Variants in ACTR2 observed in about 807,000 individuals in gnomAD.
ACTR2 encodes the protein actin-related protein 2.
In ACTR2, 5 loss-of-function variants were observed where a neutral mutation model predicts 50.2. The ratio of observed to expected loss-of-function variants is 0.10; its 90% CI spans 0.05 to 0.21. The LOEUF is 0.21. Ranked by LOEUF, ACTR2 falls within the 10% of genes least tolerant of loss-of-function variation. The probability of loss-of-function intolerance (pLI) is 1.00; values close to 1 mark genes in which losing one functional copy is unlikely to be tolerated. For synonymous variants in ACTR2, 140 were observed against 162.9 expected, an observed-to-expected ratio of 0.86 and a Z score of 1.07; for missense variants, 180 against 480.6, an observed-to-expected ratio of 0.37 and a Z score of 5.85.
chr2:65,239,760 T>C (rs1305951952), intron 1 of ACTR2, 92 bp from the exon 2 acceptor site: 3 of 842,438 alleles, frequency 3.6e-6, no homozygotes, highest in East Asian at 2.5e-5. Context: ...TAAAATGTTA[T>C]ATAAATGCAA....
At chr2:65,263,265 G>T (rs1197988929) in intron 7 of ACTR2, among the ~76,000 whole-genome samples, 9 of 133,318 alleles carry the variant, frequency 6.8e-5, no homozygotes, top group African/African-American at 1.7e-4. Context: ...GGAGTTTTGG[G>T]TTTTTTTTTT....
chr2:65,254,021 T>G (rs1350732578), intron 5 of ACTR2, among the ~76,000 whole-genome samples, 157 bp downstream of exon 5: 1 of 152,152 alleles, frequency 6.6e-6, no homozygotes, highest in African/African-American at 2.4e-5. Context: ...CATATAAGAT[T>G]TATACACATG....
chr2:65,243,026 C>T (rs371387832), intron 2 of ACTR2, among the ~76,000 whole-genome samples: 1 of 152,132 alleles, frequency 6.6e-6, no homozygotes, highest in South Asian at 2.1e-4. Flanking sequence ...TGTGCCTGTA[C>T]TCCCAGCACT....
chr2:65,254,348 C>T (rs775260915), intron 5 of ACTR2, among the ~76,000 whole-genome samples: 1 of 152,094 alleles, frequency 6.6e-6, no homozygotes, highest in Admixed American at 6.6e-5. Flanking sequence ...AGCCCAAATA[C>T]GCCAGACTTT....
intron 2 of ACTR2, chr2:65,242,152 GA>G (rs1671849722): frequency 1.1e-6 from 1 of 909,664 alleles, no homozygotes; most frequent in Admixed American, 1.9e-5. Flanking sequence ...TAGTATTGGG[GA>G]GGGGGGGTTA....
At chr2:65,239,990 A>C in intron 2 of ACTR2, 28 bp downstream of exon 2, 1 of 1,405,272 alleles carries the variant, frequency 7.1e-7, no homozygotes, top group East Asian at 2.3e-5. Flanking sequence ...GATAAATGAT[A>C]ATCAAGACAT....
chr2:65,266,527 T>G (rs1377937528), intron 8 of ACTR2, among the ~76,000 whole-genome samples: 1 of 152,164 alleles, frequency 6.6e-6, no homozygotes, highest in Non-Finnish European at 1.5e-5. Flanking sequence ...GGGTTTGGCT[T>G]GACTCCTGGT....
At chr2:65,230,467 G>A (rs6724588) in intron 1 of ACTR2, among the ~76,000 whole-genome samples, 47,440 of 143,788 alleles carry the variant, frequency 0.33, 8,611 homozygotes, top group African/African-American at 0.48. Context: ...GCTGGAGAGC[G>A]ATGGCGTGAT....
chr2:65,250,252 T>C (rs1339707025), intron 3 of ACTR2, among the ~76,000 whole-genome samples: 1 of 151,646 alleles, frequency 6.6e-6, no homozygotes, highest in Non-Finnish European at 1.5e-5. Flanking sequence ...TAGTCCCAGC[T>C]ACTCGGGAGG....
chr2:65,264,535 G>T (rs1672337696), intron 7 of ACTR2, among the ~76,000 whole-genome samples: 1 of 152,104 alleles, frequency 6.6e-6, no homozygotes, highest in Non-Finnish European at 1.5e-5. Context: ...AGATAGCAGG[G>T]TACTGTATCA....
chr2:65,263,268 T>TG (rs1672309750), intron 7 of ACTR2, among the ~76,000 whole-genome samples: 1 of 150,316 alleles, frequency 6.7e-6, no homozygotes, highest in South Asian at 2.1e-4. Flanking sequence ...GTTTTGGGTT[T>TG]TTTTTTTTTT....
At position 65,233,275 on chromosome 2, in the gene ACTR2, G is replaced by A. The variant is rs376811695; in HGVS notation, c.48+5318G>A. Among the ~76,000 whole-genome samples, 35 of 152,046 alleles carry A rather than the reference G, an allele frequency of 2.3e-4. No homozygotes were observed. In the South Asian group the frequency reaches 4.4e-3, roughly 19 times the overall value. ...CTCCCAAAGTGCTGGGATTATAGGCGTGAGCACTGCGCCCAGTCTAGATTT... is the reference window on the plus strand; with the variant it reads ...CTCCCAAAGTGCTGGGATTATAGGCATGAGCACTGCGCCCAGTCTAGATTT... On this transcript the variant is annotated intron_variant, in intron 1 of 8. Transcript: ENST00000260641.
chr2:65,232,874 A>G (rs1287916944), intron 1 of ACTR2, among the ~76,000 whole-genome samples: 3 of 152,234 alleles, frequency 2.0e-5, no homozygotes, highest in Non-Finnish European at 4.4e-5. Context: ...GAAAGAACGA[A>G]GTCACCAAGT....
chr2:65,255,663 T>C lies in ACTR2; in HGVS notation c.704T>C (p.Leu235Ser). 2 of 1,613,922 alleles carry C rather than the reference T, an allele frequency of 1.2e-6. No homozygotes were observed. Among genetic ancestry groups the C allele is most frequent in the Non-Finnish European group, 1.7e-6 (2 of 1,179,820 alleles). ...YNIEQEQKLA[L>S]ETTVLVESYT... ...ATTGAGCAAGAGCAGAAACTGGCCT[T>C]AGAAACCACAGTATTAGTTGAATCT... Residue 235 changes from leucine (L) to serine (S), a missense_variant, in exon 6 of 9, where the codon TTA (leucine) becomes TCA (serine). Physicochemically the swap from Leu to Ser is moderately radical, Grantham distance 145. Transcript: ENST00000260641.
At chr2:65,233,620 T>G (rs998841256) in intron 1 of ACTR2, among the ~76,000 whole-genome samples, 1 of 151,852 alleles carries the variant, frequency 6.6e-6, no homozygotes, top group Non-Finnish European at 1.5e-5. Flanking sequence ...TTTATTTTAT[T>G]ATTGTTTTTG....
At chr2:65,247,467 A>G (rs910205062) in intron 3 of ACTR2, among the ~76,000 whole-genome samples, 2 of 152,190 alleles carry the variant, frequency 1.3e-5, no homozygotes, top group Non-Finnish European at 2.9e-5. Context: ...GGGTGCCTGT[A>G]GTCCCAGCTA....
rs143267480 is a variant in ACTR2 at position 65,253,609 on chromosome 2, T to C, written c.449-119T>C. On this transcript the variant is annotated intron_variant, in intron 4 of 8. Coordinates refer to ENST00000260641, the MANE Select transcript of ACTR2 (RefSeq NM_005722.4). ...AACAAACTGCAAAATAACTAAATAA[T>C]AAATTCTGGCTTCTAGTTGGTTACG... is the stretch of plus-strand genomic sequence containing the variant. 20 of 979,280 alleles carry C rather than the reference T, an allele frequency of 2.0e-5. No homozygotes were observed. In the East Asian group the frequency reaches 4.8e-4, roughly 24 times the overall value. The allele number at this position is 979,280 out of a possible 1,614,324, so 60.7% of individuals were successfully genotyped here. A position where few individuals can be genotyped will look rare whatever the true frequency, so the allele number is the denominator to read the frequency against.
In ACTR2 at chr2:65,236,155, A is replaced by G. The variant is rs564164012; in HGVS notation, c.49-3697A>G. On this transcript the variant is annotated intron_variant, in intron 1 of 8. Coordinates refer to ENST00000260641, the MANE Select transcript of ACTR2 (RefSeq NM_005722.4). Reference sequence around the variant, plus strand: ...GGAGTTAGAGACCAGCCTGGCCAACATGGTGAAACCCCGTCTCTACTAAAA... The same window carrying G: ...GGAGTTAGAGACCAGCCTGGCCAACGTGGTGAAACCCCGTCTCTACTAAAA... Among the ~76,000 whole-genome samples the G allele has an allele frequency of 5.9e-5, 9 of 152,200 alleles. No individual in the cohort carries two copies. In the East Asian group the frequency reaches 1.7e-3, roughly 30 times the overall value.
rs140126538 is a variant in ACTR2, at chr2:65,251,053, C to T, written c.402C>T (p.Ser134=). Residue 134 remains serine, a synonymous_variant, in exon 4 of 9, where the codon TCC becomes TCT. Coordinates refer to ENST00000260641, the MANE Select transcript of ACTR2 (RefSeq NM_005722.4). ...TAATGTTTGAAACTTACCAGTTTTCCGGTGTATATGTAGCCATCCAGGCAG... is the reference window on the plus strand; with the variant it reads ...TAATGTTTGAAACTTACCAGTTTTCTGGTGTATATGTAGCCATCCAGGCAG... ...VEVMFETYQF[S]GVYVAIQAVL... is the part of the protein sequence containing the mutation. 1.1e-4 allele frequency: 178 copies of T among 1,605,720 alleles called. No homozygotes were observed. Among genetic ancestry groups the T allele is most frequent in the Non-Finnish European group, 1.4e-4 (160 of 1,176,282 alleles).
Sources: gnomAD v4.1 joint callset for allele counts (sites outside exome capture counted in the v4.1 genomes callset) on GRCh38, gnomAD v4.1.1 for gene constraint, MANE v1.5 for transcripts, NCBI Gene and HGNC (gene_info 2026-07-23, HGNC 2026-07-21) for gene names.